NCKAP5: variants seen among roughly 807,000 people sequenced by gnomAD.
NCKAP5 encodes the protein NCK associated protein 5.
In NCKAP5, 92 loss-of-function variants were observed where a neutral mutation model predicts 167.0. The ratio of observed to expected loss-of-function variants is 0.55; its 90% CI spans 0.47 to 0.66. NCKAP5 has a LOEUF of 0.66. Ranked by LOEUF, NCKAP5 falls within the 30% of genes least tolerant of loss-of-function variation. The pLI is 0.00. For synonymous variants in NCKAP5, 891 were observed against 877.4 expected (o/e 1.02, Z -0.27); for missense variants, 2,378 against 2,315.0 (o/e 1.03, Z -0.56).
intron 4 of NCKAP5, among the ~76,000 whole-genome samples, chr2:133,262,929 T>A (rs1574532448): frequency 6.6e-6 from 1 of 152,162 alleles, no homozygotes; most frequent in East Asian, 1.9e-4. Flanking sequence ...GCCCGGATGA[T>A]GTTAGCCATC....
intron 11 of NCKAP5, among the ~76,000 whole-genome samples, chr2:132,808,800 T>C (rs1338707669): frequency 6.6e-6 from 1 of 152,172 alleles, no homozygotes; most frequent in Non-Finnish European, 1.5e-5. Flanking sequence ...ATTTCCTTTC[T>C]ACTGCTGGGT....
chr2:133,434,778 A>C (rs928340826), intron 3 of NCKAP5, among the ~76,000 whole-genome samples: 1 of 152,110 alleles, frequency 6.6e-6, no homozygotes, highest in African/African-American at 2.4e-5. Flanking sequence ...ACTATAAAGG[A>C]TTTTCCACCA....
At chr2:133,536,569 G>A (rs1685782333) in intron 2 of NCKAP5, among the ~76,000 whole-genome samples, 1 of 152,008 alleles carries the variant, frequency 6.6e-6, no homozygotes, top group Non-Finnish European at 1.5e-5. Context: ...GTCATGTAAT[G>A]TGATACCTCC....
intron 6 of NCKAP5, among the ~76,000 whole-genome samples, chr2:133,051,560 T>C (rs531767506): frequency 6.6e-6 from 1 of 152,240 alleles, no homozygotes; most frequent in South Asian, 2.1e-4. Context: ...TTGCTAGCAT[T>C]CACAGGATGC....
chr2:133,477,934 C>T (rs1680077192), intron 3 of NCKAP5, among the ~76,000 whole-genome samples: 1 of 152,112 alleles, frequency 6.6e-6, no homozygotes, highest in Non-Finnish European at 1.5e-5. Flanking sequence ...TTTCCCTTTA[C>T]TATTTTCAGA....
At position 132,794,526 on chromosome 2, in the gene NCKAP5, C is replaced by T. The variant is rs191737290; in HGVS notation, c.909+2102G>A. Among the ~76,000 whole-genome samples the T allele has an allele frequency of 1.4e-3, 216 of 151,632 alleles. 1 individual carries two copies. The highest frequency in any genetic ancestry group is 5.0e-3 in the African/African-American group (205 of 41,298). On this transcript the variant is annotated intron_variant, in intron 12 of 19. Coordinates refer to ENST00000409261, the MANE Select transcript of NCKAP5 (RefSeq NM_207363.3). ...TGGTGTGCACCTGTAATCCCAGCTA[C>T]CTGGGAGGCTGAGGCAGGGGAATTG... is the stretch of plus-strand genomic sequence containing the variant.
intron 3 of NCKAP5, among the ~76,000 whole-genome samples, chr2:133,502,329 T>C (rs1559531947): frequency 6.6e-6 from 1 of 152,138 alleles, no homozygotes; most frequent in Admixed American, 6.5e-5. Context: ...ATGGGTTCTT[T>C]TTTACTCTGT....
chr2:132,979,855 A>G (rs1290947757), intron 7 of NCKAP5, among the ~76,000 whole-genome samples: 1 of 152,204 alleles, frequency 6.6e-6, no homozygotes, highest in Non-Finnish European at 1.5e-5. Flanking sequence ...GCCACTCTAC[A>G]GTAGAGGCTG....
intron 4 of NCKAP5, among the ~76,000 whole-genome samples, chr2:133,285,999 CTTT>C (rs555131855): frequency 1.4e-5 from 2 of 144,102 alleles, no homozygotes; most frequent in African/African-American, 2.5e-5. Context: ...TCTGTGACTT[CTTT>C]TTTTTTTTTT....
At chr2:133,454,834 A>C (rs1483413964) in intron 3 of NCKAP5, among the ~76,000 whole-genome samples, 1 of 152,090 alleles carries the variant, frequency 6.6e-6, no homozygotes, top group Non-Finnish European at 1.5e-5. Flanking sequence ...TGCAGAACCC[A>C]AGATATTCTT....
intron 2 of NCKAP5, among the ~76,000 whole-genome samples, chr2:133,548,289 G>T (rs1213390995): frequency 1.3e-5 from 2 of 152,146 alleles, no homozygotes; most frequent in Non-Finnish European, 2.9e-5. Context: ...ATGGAACCAA[G>T]TTGGAAAACA....
At position 133,547,563 on chromosome 2, in the gene NCKAP5, C is replaced by A. The variant is rs1249246275; in HGVS notation, c.-62+11487G>T. Among the ~76,000 whole-genome samples, 11 of 151,684 alleles carry A rather than the reference C, an allele frequency of 7.3e-5. No individual in the cohort carries two copies. In the East Asian group the frequency reaches 2.0e-3, roughly 27 times the overall value. The stretch of plus-strand genomic sequence containing the variant: ...GGCAGACTGCCTCCTCAAGTGGGTC[C>A]CTGACCCCTGACCCCCGAGCAGCCT... On this transcript the variant is annotated intron_variant, in intron 2 of 19. Transcript: ENST00000409261.
intron 7 of NCKAP5, among the ~76,000 whole-genome samples, chr2:132,974,202 T>C (rs2076912537): frequency 6.6e-6 from 1 of 152,194 alleles, no homozygotes; most frequent in Non-Finnish European, 1.5e-5. Flanking sequence ...CATCCAACTT[T>C]AGGAACTAGT....
intron 8 of NCKAP5, among the ~76,000 whole-genome samples, chr2:132,943,884 T>C (rs1208923682): frequency 6.6e-6 from 1 of 152,202 alleles, no homozygotes; most frequent in Non-Finnish European, 1.5e-5. Flanking sequence ...ACTGCAGACA[T>C]GAGTACGTAG....
At chr2:133,328,463 A>G (rs1432160159) in intron 3 of NCKAP5, among the ~76,000 whole-genome samples, 2 of 152,236 alleles carry the variant, frequency 1.3e-5, no homozygotes, top group East Asian at 1.9e-4. Context: ...AGACTCAACT[A>G]CAGAGGCAGA....
At chr2:133,505,674 G>A (rs551533531) in intron 3 of NCKAP5, among the ~76,000 whole-genome samples, 8 of 152,198 alleles carry the variant, frequency 5.3e-5, no homozygotes, top group Non-Finnish European at 1.2e-4. Context: ...TAGGAGGCAG[G>A]TTGGGATTCA....
intron 6 of NCKAP5, among the ~76,000 whole-genome samples, chr2:133,098,919 TA>T (rs1486287748): frequency 6.6e-6 from 1 of 152,202 alleles, no homozygotes; most frequent in Non-Finnish European, 1.5e-5. Flanking sequence ...GGAAGATGCT[TA>T]GGTTATAAAA....
intron 4 of NCKAP5, among the ~76,000 whole-genome samples, chr2:133,270,396 G>A (rs2089455927): frequency 6.6e-6 from 1 of 152,108 alleles, no homozygotes; most frequent in Non-Finnish European, 1.5e-5. Context: ...AAGCAGCTTC[G>A]GAAGTATCAC....
chr2:133,413,783 C>A (rs1274833558), intron 3 of NCKAP5, among the ~76,000 whole-genome samples: 1 of 152,144 alleles, frequency 6.6e-6, no homozygotes, highest in African/African-American at 2.4e-5. Flanking sequence ...CATCTGATGC[C>A]TTCAGACAGG....
Sources: allele counts gnomAD v4.1 joint callset (sites outside exome capture counted in the v4.1 genomes callset), GRCh38; gene constraint gnomAD v4.1.1; transcripts MANE v1.5; gene names NCBI Gene and HGNC (gene_info 2026-07-23, HGNC 2026-07-21).